HTR1E: variants seen among roughly 807,000 people sequenced by gnomAD.
The protein encoded by HTR1E is 5-HT-1E.
Under a neutral mutation model 3.4 loss-of-function variants are expected in HTR1E, and 3 were observed. The observed-to-expected ratio is 0.89, with a 90% CI of 0.41 to 2.31. HTR1E has a LOEUF of 2.31. HTR1E is among the 30% of genes most tolerant of loss of function. The pLI is 0.05. For missense variants in HTR1E, 392 were observed against 467.0 expected (o/e 0.84, Z 1.48); for synonymous variants, 170 against 182.8 (o/e 0.93, Z 0.56).
intron 1 of HTR1E, among the ~76,000 whole-genome samples, chr6:87,006,754 T>C (rs1768115267): frequency 6.6e-6 from 1 of 152,126 alleles, no homozygotes; most frequent in South Asian, 2.1e-4. Flanking sequence ...AAAAAAGGAA[T>C]GAGATCATGT....
intron 1 of HTR1E, among the ~76,000 whole-genome samples, chr6:86,981,488 GA>G (rs1214128544): frequency 6.6e-6 from 1 of 152,170 alleles, no homozygotes; most frequent in African/African-American, 2.4e-5. Flanking sequence ...GAGAAAGGAA[GA>G]AGATAATTCA....
At chr6:86,986,542 A>G (rs1767790750) in intron 1 of HTR1E, among the ~76,000 whole-genome samples, 1 of 152,180 alleles carries the variant, frequency 6.6e-6, no homozygotes, top group Non-Finnish European at 1.5e-5. Flanking sequence ...GTGAGCACTA[A>G]TCAGTCGTAA....
chr6:86,944,542 G>A (rs1208320928), intron 1 of HTR1E, among the ~76,000 whole-genome samples: 1 of 152,184 alleles, frequency 6.6e-6, no homozygotes, highest in Non-Finnish European at 1.5e-5. Flanking sequence ...CCACTTTATA[G>A]ATAGTGATAT....
intron 1 of HTR1E, among the ~76,000 whole-genome samples, chr6:87,010,774 C>T (rs1768216946): frequency 1.3e-5 from 2 of 151,402 alleles, no homozygotes; most frequent in Admixed American, 6.6e-5. Context: ...GCAATCTCGG[C>T]ACTTTGGGAG....
At chr6:87,007,014 A>G (rs554429868) in intron 1 of HTR1E, among the ~76,000 whole-genome samples, 1 of 152,338 alleles carries the variant, frequency 6.6e-6, no homozygotes, top group Non-Finnish European at 1.5e-5. Flanking sequence ...GGTGCAGCAA[A>G]TCACCATGGC....
In HTR1E at chr6:87,016,030, T is replaced by C. The variant is rs1337649289; in HGVS notation, c.696T>C (p.Ser232=). 1.2e-6 allele frequency: 2 copies of C among 1,614,198 alleles called. No homozygotes were observed. Among genetic ancestry groups the C allele is most frequent in the Non-Finnish European group, 1.7e-6 (2 of 1,180,044 alleles). The change falls in exon 2 of 2, where the codon TCT becomes TCC. Residue 232 remains serine (S), a synonymous_variant. Coordinates refer to ENST00000305344, the MANE Select transcript of HTR1E (RefSeq NM_000865.3). ...LSNRSTDSQN[S]FASCKLTQTF... is the part of the protein sequence containing the mutation. The stretch of plus-strand genomic sequence containing the variant: ...ACAGAAGCACAGATAGCCAGAATTC[T>C]TTTGCAAGTTGTAAACTTACACAGA...
intron 1 of HTR1E, chr6:86,970,517 A>C (rs1160942607): frequency 5.6e-6 from 1 of 177,038 alleles, no homozygotes; most frequent in African/African-American, 2.4e-5. Context: ...AAAGCAAAGA[A>C]GTTTTGCAGA....
intron 1 of HTR1E, among the ~76,000 whole-genome samples, chr6:86,946,588 A>G (rs1004393430): frequency 3.3e-5 from 5 of 152,240 alleles, no homozygotes; most frequent in African/African-American, 9.6e-5. Flanking sequence ...GATGGTCATA[A>G]TGACAATGAT....
intron 1 of HTR1E, among the ~76,000 whole-genome samples, chr6:87,002,034 A>G (rs1216965599): frequency 1.3e-5 from 2 of 152,256 alleles, no homozygotes; most frequent in African/African-American, 4.8e-5. Context: ...AGGTCATTAT[A>G]TAATGATTAA....
chr6:86,972,237 C>A (rs2127823218), intron 1 of HTR1E, among the ~76,000 whole-genome samples: 1 of 152,212 alleles, frequency 6.6e-6, no homozygotes, highest in Non-Finnish European at 1.5e-5. Context: ...TAAGTTAATG[C>A]TGCTTAAATT....
At chr6:86,965,200 G>C (rs1168222507) in intron 1 of HTR1E, among the ~76,000 whole-genome samples, 13 of 152,128 alleles carry the variant, frequency 8.5e-5, no homozygotes, top group Admixed American at 8.5e-4. Context: ...CATGCTCACT[G>C]CTCCTCTGAC....
rs147569851 is a variant in HTR1E, at chr6:87,002,883, T to C, written c.-185-12267T>C. Among the ~76,000 whole-genome samples, 421 of 152,300 alleles carry C rather than the reference T, an allele frequency of 2.8e-3. 1 individual carries two copies. Among genetic ancestry groups the C allele is most frequent in the African/African-American group, 9.7e-3 (403 of 41,560 alleles). On this transcript the variant is annotated intron_variant, in intron 1 of 1. Coordinates refer to ENST00000305344, the MANE Select transcript of HTR1E (RefSeq NM_000865.3). ...CCTCAATACAGTAATAGCTGGAGAC[T>C]TCAACACCCCACTTTCAGCATTGGA... is the stretch of plus-strand genomic sequence containing the variant.
At chr6:86,974,636 C>T (rs1398121156) in intron 1 of HTR1E, among the ~76,000 whole-genome samples, 1 of 152,140 alleles carries the variant, frequency 6.6e-6, no homozygotes, top group Non-Finnish European at 1.5e-5. Context: ...ACTTTGATTG[C>T]TTGATTAAGA....
At chr6:87,010,329 C>T in intron 1 of HTR1E, among the ~76,000 whole-genome samples, 1 of 96,494 alleles carries the variant, frequency 1.0e-5, no homozygotes, top group Non-Finnish European at 2.0e-5. Context: ...CCCCCCCCAC[C>T]TCCCTCCCGG....
At chr6:86,951,624 A>G (rs540408536) in intron 1 of HTR1E, among the ~76,000 whole-genome samples, 1 of 152,306 alleles carries the variant, frequency 6.6e-6, no homozygotes, top group African/African-American at 2.4e-5. Context: ...TGAACTGATG[A>G]TAATGTTTCC....
intron 1 of HTR1E, among the ~76,000 whole-genome samples, chr6:86,944,454 T>C (rs972761109): frequency 6.6e-6 from 1 of 152,220 alleles, no homozygotes; most frequent in Non-Finnish European, 1.5e-5. Context: ...TTAGATAATC[T>C]GTCAAAGAAT....
chr6:86,967,775 TATAAACCTATCTC>T (rs1471841970), intron 1 of HTR1E, among the ~76,000 whole-genome samples: 1 of 152,204 alleles, frequency 6.6e-6, no homozygotes, highest in Admixed American at 6.5e-5. Context: ...CGAAGTGTTT[TATAAACCTATCTC>T]ATTATATAAC....
At chr6:86,959,449 G>C (rs1767375246) in intron 1 of HTR1E, among the ~76,000 whole-genome samples, 1 of 151,946 alleles carries the variant, frequency 6.6e-6, no homozygotes, top group Non-Finnish European at 1.5e-5. Context: ...AGGCGCCATG[G>C]CACCTGTATG....
chr6:86,983,670 T>C (rs1284958296), intron 1 of HTR1E, among the ~76,000 whole-genome samples: 1 of 152,172 alleles, frequency 6.6e-6, no homozygotes, highest in African/African-American at 2.4e-5. Context: ...AGATTTGGAA[T>C]GTTTCCAACA....
Sources: gnomAD v4.1 joint callset for allele counts (sites outside exome capture counted in the v4.1 genomes callset) on GRCh38, gnomAD v4.1.1 for gene constraint, MANE v1.5 for transcripts, NCBI Gene and HGNC (gene_info 2026-07-23, HGNC 2026-07-21) for gene names.